The following DMD variants were observed in gnomAD, a reference collection of about 807,000 sequenced individuals.
DMD encodes the protein mutant dystrophin.
Under a neutral mutation model 330.1 loss-of-function variants are expected in DMD, and 63 were observed. The observed-to-expected ratio is 0.19, with a 90% CI of 0.16 to 0.24. The LOEUF is 0.24. DMD is among the 10% of genes least tolerant of loss of function. DMD has a pLI of 1.00. For synonymous variants in DMD, 1,223 were observed against 959.8 expected (o/e 1.27, Z -5.07); for missense variants, 3,344 against 2,684.1 (o/e 1.25, Z -5.43).
At chrX:32,470,207 C>G (rs935850044) in intron 22 of DMD, among the ~76,000 whole-genome samples, 2 of 109,752 alleles carry the variant, frequency 1.8e-5, no homozygotes, top group African/African-American at 6.6e-5. Context: ...TGGAGGATAC[C>G]TTACTCAAGA....
rs760629806 is a variant in DMD at position 33,093,580 on chromosome X, A to T, written c.32-73380T>A. 3.6e-5 allele frequency among the ~76,000 whole-genome samples: 4 copies of T among 111,869 alleles called. No individual in the cohort carries two copies. The East Asian group carries it at 1.1e-3, about 31-fold the overall frequency. On this transcript the variant is annotated intron_variant, in intron 1 of 78. Coordinates refer to ENST00000357033, the MANE Select transcript of DMD (RefSeq NM_004006.3). ...TTTATTTTCACTAATTTGGTTGCAC[A>T]TTTTATTATGTCTCCAAATCATTGT... is the stretch of plus-strand genomic sequence containing the variant.
At chrX:32,473,434 A>G (rs1357569631) in intron 21 of DMD, among the ~76,000 whole-genome samples, 1 of 111,720 alleles carries the variant, frequency 9.0e-6, no homozygotes, top group African/African-American at 3.3e-5. Context: ...GTTTCTAAAT[A>G]CATGAAATCA....
chrX:32,962,614 G>T (rs946850928), intron 2 of DMD, among the ~76,000 whole-genome samples: 3 of 111,453 alleles, frequency 2.7e-5, no homozygotes, highest in African/African-American at 9.8e-5. Context: ...GATTAATACA[G>T]ACATTCACAC....
At chrX:32,991,383 G>A (rs901689865) in intron 2 of DMD, among the ~76,000 whole-genome samples, 2 of 111,474 alleles carry the variant, frequency 1.8e-5, no homozygotes, top group Non-Finnish European at 3.8e-5. Context: ...CAATACTGAA[G>A]AGCTAAACCA....
intron 2 of DMD, among the ~76,000 whole-genome samples, chrX:32,862,908 T>G (rs2082179137): frequency 9.1e-6 from 1 of 110,447 alleles, no homozygotes; most frequent in Admixed American, 9.7e-5. Flanking sequence ...GGCTAATTTT[T>G]TTATATTTTT....
At chrX:33,216,367 T>C (rs964612979), upstream of DMD, among the ~76,000 whole-genome samples, 1 of 111,506 alleles carries the variant, frequency 9.0e-6, no homozygotes, top group Admixed American at 9.6e-5. Flanking sequence ...TACCGCATGT[T>C]CTCACTTATA....
At chrX:31,855,476 T>A (rs936611519) in intron 48 of DMD, among the ~76,000 whole-genome samples, 2 of 112,556 alleles carry the variant, frequency 1.8e-5, no homozygotes, top group East Asian at 5.6e-4. Flanking sequence ...TCTGTTATTA[T>A]TAAACACTAG....
At chrX:31,775,158 G>A (rs1047381038) in intron 50 of DMD, among the ~76,000 whole-genome samples, 3 of 111,625 alleles carry the variant, frequency 2.7e-5, no homozygotes, top group African/African-American at 9.8e-5. Context: ...TGTCATAAGG[G>A]CAGTTGTGTA....
intron 25 of DMD, 93 bp downstream of exon 25, chrX:32,463,345 CA>C: frequency 1.1e-6 from 1 of 876,709 alleles, no homozygotes; most frequent in Non-Finnish European, 1.5e-6. Context: ...AACATAGGAA[CA>C]AAGCCTTAAC....
At chrX:33,064,315 A>G (rs745782494) in intron 1 of DMD, among the ~76,000 whole-genome samples, 164 of 111,431 alleles carry the variant, frequency 1.5e-3, no homozygotes, top group African/African-American at 5.1e-3. Flanking sequence ...ATTTTCTATT[A>G]TTGCGGCAAC....
At chrX:31,961,740 G>GTTTTTTTTTTTTTT (rs59279553) in intron 45 of DMD, among the ~76,000 whole-genome samples, 54 of 75,556 alleles carry the variant, frequency 7.1e-4, no homozygotes, top group Non-Finnish European at 1.1e-3. Context: ...AAAGGAAGCG[G>GTTTTTTTTTTTTTT]TTTTTTTTTT....
chrX:32,707,421 G>A (rs2064774826), intron 7 of DMD, among the ~76,000 whole-genome samples: 1 of 111,853 alleles, frequency 8.9e-6, no homozygotes, highest in Non-Finnish European at 1.9e-5. Flanking sequence ...AACATCCTGA[G>A]AGTGCCTCAG....
intron 34 of DMD, among the ~76,000 whole-genome samples, chrX:32,371,300 C>T (rs1001201077): frequency 1.8e-5 from 2 of 111,217 alleles, no homozygotes; most frequent in Non-Finnish European, 3.8e-5. Context: ...GCATTTAACA[C>T]CTTCAGTTAA....
chrX:32,460,377 C>T (rs1343287617), intron 25 of DMD, among the ~76,000 whole-genome samples: 3 of 109,637 alleles, frequency 2.7e-5, no homozygotes, highest in African/African-American at 9.9e-5. Flanking sequence ...TTTTTTCTAC[C>T]TGGACAATTG....
intron 45 of DMD, among the ~76,000 whole-genome samples, chrX:31,942,781 A>G (rs2095024167): frequency 8.9e-6 from 1 of 112,140 alleles, no homozygotes; most frequent in South Asian, 3.7e-4. Flanking sequence ...TTTTCTATCT[A>G]TTGTGATCGC....
chrX:32,540,467 T>G (rs1048752243), intron 17 of DMD, among the ~76,000 whole-genome samples: 6 of 111,677 alleles, frequency 5.4e-5, no homozygotes, highest in Non-Finnish European at 7.5e-5. Flanking sequence ...GATACCCTAA[T>G]GGGTAAAATT....
intron 44 of DMD, among the ~76,000 whole-genome samples, chrX:32,175,134 T>C (rs928062211): frequency 3.6e-5 from 4 of 111,512 alleles, no homozygotes; most frequent in African/African-American, 9.8e-5. Flanking sequence ...TTTTGATTCA[T>C]ATATGCTCGT....
At chrX:32,723,435 T>C (rs1246943719) in intron 7 of DMD, among the ~76,000 whole-genome samples, 2 of 111,736 alleles carry the variant, frequency 1.8e-5, no homozygotes, top group African/African-American at 6.5e-5. Context: ...GCTGAAGTCA[T>C]AAATGGCTTT....
chrX:32,952,960 C>T lies in DMD; in HGVS notation c.93+67179G>A, dbSNP rs952031329. Reference sequence around the variant, plus strand: ...GACCAGCCTGGCCAACATGGTGAAGCCCCGTCTCTACTAAAAATACAAAAA... The same window carrying T: ...GACCAGCCTGGCCAACATGGTGAAGTCCCGTCTCTACTAAAAATACAAAAA... On this transcript the variant is annotated intron_variant, in intron 2 of 78. Transcript: ENST00000357033. Among the ~76,000 whole-genome samples, 23 of 109,221 alleles carry T rather than the reference C, an allele frequency of 2.1e-4. 1 individual carries two copies. In the Admixed American group the frequency reaches 2.3e-3, roughly 11 times the overall value. The allele number at this position is 109,221 out of a possible 115,157, so 94.8% of individuals were successfully genotyped here.
Sources: gnomAD v4.1 joint callset for allele counts (sites outside exome capture counted in the v4.1 genomes callset) on GRCh38, gnomAD v4.1.1 for gene constraint, MANE v1.5 for transcripts, NCBI Gene and HGNC (gene_info 2026-07-23, HGNC 2026-07-21) for gene names.